Variants in OPHN1 observed in about 807,000 individuals in gnomAD.
The protein encoded by OPHN1 is oligophrenin-1.
In OPHN1, 11 loss-of-function variants were observed where a neutral mutation model predicts 60.7. The observed-to-expected ratio is 0.18, with a 90% CI of 0.11 to 0.30. The LOEUF is 0.30. Ranked by LOEUF, OPHN1 falls within the 10% of genes least tolerant of loss-of-function variation. The pLI, the probability that OPHN1 is intolerant of heterozygous loss-of-function variation, is 1.00. For synonymous variants in OPHN1, 226 were observed against 222.6 expected (o/e 1.02, Z -0.14); for missense variants, 449 against 611.0 (o/e 0.73, Z 2.80).
chrX:68,286,793 A>G (rs1352789583), intron 3 of OPHN1, among the ~76,000 whole-genome samples: 3 of 111,145 alleles, frequency 2.7e-5, no homozygotes, highest in Non-Finnish European at 5.7e-5. Context: ...AGGCAGGTGG[A>G]CTGCTTGAGA....
At chrX:68,379,921 T>C (rs1418672892) in intron 2 of OPHN1, among the ~76,000 whole-genome samples, 2 of 109,605 alleles carry the variant, frequency 1.8e-5, no homozygotes, top group Admixed American at 9.7e-5. Flanking sequence ...GGCTTTGGTA[T>C]CAGGATGATG....
chrX:68,178,553 A>G, intron 15 of OPHN1, among the ~76,000 whole-genome samples: 1 of 110,692 alleles, frequency 9.0e-6, no homozygotes, highest in Non-Finnish European at 1.9e-5. Flanking sequence ...ACAGGTGCGC[A>G]CCACCACATC....
chrX:68,159,597 A>G (rs1343222111), intron 15 of OPHN1, among the ~76,000 whole-genome samples: 1 of 111,962 alleles, frequency 8.9e-6, no homozygotes, highest in Admixed American at 9.5e-5. Flanking sequence ...AAAAACTATC[A>G]AAAGTAATCA....
intron 6 of OPHN1, among the ~76,000 whole-genome samples, chrX:68,227,258 A>C (rs2077699728): frequency 1.8e-5 from 2 of 111,515 alleles, no homozygotes; most frequent in Admixed American, 9.6e-5. Context: ...TTCATAAAGC[A>C]AGTCCTTAGA....
intron 3 of OPHN1, among the ~76,000 whole-genome samples, chrX:68,288,572 G>A (rs1216874054): frequency 9.0e-6 from 1 of 110,800 alleles, no homozygotes; most frequent in Non-Finnish European, 1.9e-5. Flanking sequence ...AGACCAGCCT[G>A]GCCAACATCG....
chrX:68,252,274 C>A (rs1342851796), intron 5 of OPHN1, among the ~76,000 whole-genome samples: 2 of 112,356 alleles, frequency 1.8e-5, no homozygotes, highest in Non-Finnish European at 3.8e-5. Flanking sequence ...TTGCTTTATG[C>A]CACTGAATTT....
intron 2 of OPHN1, among the ~76,000 whole-genome samples, chrX:68,309,146 C>T (rs2078160879): frequency 9.0e-6 from 1 of 110,971 alleles, no homozygotes; most frequent in African/African-American, 3.3e-5. Flanking sequence ...ATACTTTCTT[C>T]CCAGAAAGAT....
At chrX:68,346,662 T>G (rs1458769219) in intron 2 of OPHN1, among the ~76,000 whole-genome samples, 4 of 111,994 alleles carry the variant, frequency 3.6e-5, no homozygotes, top group Non-Finnish European at 7.5e-5. Context: ...AACAGGAAAC[T>G]GAGGCTGGGA....
At chrX:68,416,489 AGT>A (rs1339783045) in intron 2 of OPHN1, among the ~76,000 whole-genome samples, 1 of 111,537 alleles carries the variant, frequency 9.0e-6, no homozygotes, top group East Asian at 2.8e-4. Flanking sequence ...CTAGTGAACC[AGT>A]GTGTTTCTGA....
At chrX:68,263,676 G>A (rs1461826682) in intron 5 of OPHN1, among the ~76,000 whole-genome samples, 1 of 111,075 alleles carries the variant, frequency 9.0e-6, no homozygotes, top group Non-Finnish European at 1.9e-5. Context: ...TGATTCTAAA[G>A]CCTGATAAAG....
chrX:68,161,017 A>AG (rs748832879), intron 15 of OPHN1, among the ~76,000 whole-genome samples: 75 of 110,980 alleles, frequency 6.8e-4, no homozygotes, highest in African/African-American at 2.3e-3. Context: ...AGTGACCGGG[A>AG]GAAAAAAAAG....
chrX:68,073,906 T>C (rs1381736105), intron 19 of OPHN1, among the ~76,000 whole-genome samples: 1 of 112,695 alleles, frequency 8.9e-6, no homozygotes, highest in African/African-American at 3.2e-5. Flanking sequence ...CATGCCATGG[T>C]ACATTATCTA....
chrX:68,351,561 T>C (rs1016726333), intron 2 of OPHN1, among the ~76,000 whole-genome samples: 2 of 112,047 alleles, frequency 1.8e-5, no homozygotes, highest in African/African-American at 6.5e-5. Flanking sequence ...TGGTTGTGAA[T>C]TACCCTGTCT....
intron 2 of OPHN1, among the ~76,000 whole-genome samples, chrX:68,382,346 T>TA (rs1030460285): frequency 2.8e-5 from 3 of 108,942 alleles, no homozygotes; most frequent in Admixed American, 1.0e-4. Context: ...GACTCTGTCT[T>TA]AAAAAAAATA....
intron 5 of OPHN1, among the ~76,000 whole-genome samples, chrX:68,261,152 T>C: frequency 9.0e-6 from 1 of 111,171 alleles, no homozygotes; most frequent in Non-Finnish European, 1.9e-5. Context: ...AAATGCAGAC[T>C]CAGATGTCTT....
At chrX:68,325,585 T>TTTTTTTTTTTTTGA (rs1569280756) in intron 2 of OPHN1, among the ~76,000 whole-genome samples, 1 of 71,468 alleles carries the variant, frequency 1.4e-5, no homozygotes, top group African/African-American at 6.6e-5. Context: ...TTTAAACTTT[T>TTTTTTTTTTTTTGA]GGATAAAGAC....
intron 6 of OPHN1, among the ~76,000 whole-genome samples, chrX:68,234,262 C>G (rs1027781403): frequency 9.0e-6 from 1 of 111,099 alleles, no homozygotes; most frequent in African/African-American, 3.3e-5. Context: ...TGGAATGAGG[C>G]AAAGAAAGAA....
chrX:68,330,427 G>T (rs936364533), intron 2 of OPHN1, among the ~76,000 whole-genome samples: 1 of 111,642 alleles, frequency 9.0e-6, no homozygotes, highest in East Asian at 2.8e-4. Flanking sequence ...TTTGTGAAAA[G>T]GATTTTCTAA....
At chrX:68,129,724 G>A (rs2077186354) in intron 15 of OPHN1, among the ~76,000 whole-genome samples, 1 of 111,442 alleles carries the variant, frequency 9.0e-6, no homozygotes, top group South Asian at 3.8e-4. Flanking sequence ...AATTAATTCA[G>A]GAAATGGTAG....
Sources: gnomAD v4.1 joint callset for allele counts (sites outside exome capture counted in the v4.1 genomes callset) on GRCh38, gnomAD v4.1.1 for gene constraint, MANE v1.5 for transcripts, NCBI Gene and HGNC (gene_info 2026-07-23, HGNC 2026-07-21) for gene names.